The following DOCK1 variants were observed in gnomAD, a reference collection of about 807,000 sequenced individuals.
The protein encoded by DOCK1 is dedicator of cytokinesis 1, also known as dedicator of cytokinesis protein 1.
DOCK1 carries 138 observed loss-of-function variants against 262.7 expected under a neutral mutation model. That is an observed-to-expected ratio of 0.53 (90% CI 0.46 to 0.61). DOCK1 has a LOEUF of 0.61. Ranked by LOEUF, DOCK1 falls within the 20% of genes least tolerant of loss-of-function variation. DOCK1 has a pLI of 0.00. For missense variants in DOCK1, 1,908 were observed against 2,370.7 expected (o/e 0.80, Z 4.05); for synonymous variants, 866 against 867.4 (o/e 1.00, Z 0.03).
intron 36 of DOCK1, among the ~76,000 whole-genome samples, chr10:127,380,955 AT>A (rs2134100620): frequency 6.6e-6 from 1 of 152,244 alleles, no homozygotes; most frequent in African/African-American, 2.4e-5. Flanking sequence ...ATTTTTACGG[AT>A]TTTTTTGTGC....
rs5788842 is a variant in DOCK1, at chr10:127,437,478, CTTTTTT to C, written c.5061-1533_5061-1528del. Among the ~76,000 whole-genome samples, 2 of 145,914 alleles carry C rather than the reference CTTTTTT, an allele frequency of 1.4e-5. No individual in the cohort carries two copies. The highest frequency in any genetic ancestry group is 3.0e-5 in the Non-Finnish European group (2 of 65,784). ...GGAGCAAGATTGCTGCAATGACCAT[CTTTTTT>C]TTTTTTTTTTTTTTTGAGACAGGAT... On this transcript the variant is annotated intron_variant, in intron 48 of 51. Transcript: ENST00000623213. This position sits in a 1 kb window ranked among gnomAD's most constrained non-coding sequence, Gnocchi z 4.4.
chr10:127,082,971 G>A (rs2136027670), intron 23 of DOCK1, among the ~76,000 whole-genome samples: 1 of 152,286 alleles, frequency 6.6e-6, no homozygotes, highest in Non-Finnish European at 1.5e-5. Flanking sequence ...TGTCTTCCAG[G>A]ACATCTGCCT....
rs2054989690 is a variant in DOCK1 at position 127,175,359 on chromosome 10, C to T, written c.2847+47595C>T. On this transcript the variant is annotated intron_variant, in intron 27 of 51. Transcript: ENST00000623213. This position sits in a 1 kb window ranked among gnomAD's most constrained non-coding sequence, Gnocchi z 6.3. ...TTCCGTATGAGGCACGATTCGTTGGCATTCTTCACCTGCAGCAACCGCTGT... is the reference window on the plus strand; with the variant it reads ...TTCCGTATGAGGCACGATTCGTTGGTATTCTTCACCTGCAGCAACCGCTGT... 1 of 1,613,990 alleles carries T rather than the reference C, an allele frequency of 6.2e-7. No homozygotes were observed. The highest frequency in any genetic ancestry group is 1.1e-5 in the South Asian group (1 of 91,088).
intron 23 of DOCK1, among the ~76,000 whole-genome samples, chr10:127,070,285 G>A (rs930612800): frequency 3.7e-5 from 4 of 107,764 alleles, no homozygotes; most frequent in East Asian, 5.8e-4. Flanking sequence ...ATGGAGTCTC[G>A]CCCTGTCACC....
chr10:127,442,845 C>G (rs1446577654), intron 49 of DOCK1, among the ~76,000 whole-genome samples: 3 of 152,248 alleles, frequency 2.0e-5, no homozygotes, highest in Admixed American at 2.0e-4. Context: ...TGCTGGCTAT[C>G]TGCATGTCTT....
chr10:127,449,349 C>T (rs1251534889), intron 51 of DOCK1, among the ~76,000 whole-genome samples: 1 of 152,180 alleles, frequency 6.6e-6, no homozygotes, highest in African/African-American at 2.4e-5. Flanking sequence ...CCCTAGTCTC[C>T]CTACACTAGT....
chr10:127,196,553 G>A (rs1589893995), intron 27 of DOCK1, among the ~76,000 whole-genome samples: 2 of 147,024 alleles, frequency 1.4e-5, no homozygotes, highest in African/African-American at 4.9e-5. Flanking sequence ...CGCGCCTGCC[G>A]CCTGTGCGCC....
intron 23 of DOCK1, among the ~76,000 whole-genome samples, chr10:127,063,245 C>A (rs1404022167): frequency 4.6e-5 from 7 of 152,210 alleles, no homozygotes; most frequent in Non-Finnish European, 7.3e-5. Context: ...AGAAGGCATT[C>A]TTATGGCTAG....
At chr10:127,264,895 C>T (rs1173304421) in intron 29 of DOCK1, among the ~76,000 whole-genome samples, 6 of 152,154 alleles carry the variant, frequency 3.9e-5, no homozygotes, top group African/African-American at 1.4e-4. Flanking sequence ...TCTCGAACTC[C>T]TGGGCTCAAG....
chr10:126,986,880 A>C (rs2039437807), intron 4 of DOCK1, among the ~76,000 whole-genome samples: 1 of 152,334 alleles, frequency 6.6e-6, no homozygotes, highest in Non-Finnish European at 1.5e-5. Flanking sequence ...ACTGCACTCC[A>C]GCCTGTGTGA....
At chr10:127,010,398 C>T (rs2041337342) in intron 11 of DOCK1, among the ~76,000 whole-genome samples, 1 of 152,176 alleles carries the variant, frequency 6.6e-6, no homozygotes, top group Non-Finnish European at 1.5e-5. Context: ...ACCCGGGAGG[C>T]AGAGGTTGCA....
chr10:126,938,945 T>C (rs1327170921), intron 1 of DOCK1, among the ~76,000 whole-genome samples: 970 of 38,992 alleles, frequency 0.025, 23 homozygotes, highest in African/African-American at 0.092. Flanking sequence ...GGACGAACAC[T>C]GGGGGGGCGA....
chr10:127,150,989 C>T (rs182558587), intron 27 of DOCK1, among the ~76,000 whole-genome samples: 123 of 152,252 alleles, frequency 8.1e-4, no homozygotes, highest in African/African-American at 2.8e-3. Context: ...TCAATTCATG[C>T]GATTCAAATT....
Position 127,190,194 on chromosome 10 carries a change from C to G in DOCK1, c.2848-57814C>G, listed in dbSNP as rs547509749. 1.2e-4 allele frequency among the ~76,000 whole-genome samples: 18 copies of G among 152,348 alleles called. 1 individual carries two copies. Among genetic ancestry groups the G allele is most frequent in the African/African-American group, 3.6e-4 (15 of 41,584 alleles). ...CTCAACTTCTACCCAACTGAATTTT[C>G]ACCAAAGGAATCGCTGAGGTTGAGT... On this transcript the variant is annotated intron_variant, in intron 27 of 51. Coordinates refer to ENST00000623213, the MANE Select transcript of DOCK1 (RefSeq NM_001290223.2).
chr10:127,090,010 G>A (rs2047422701), intron 23 of DOCK1, among the ~76,000 whole-genome samples: 1 of 152,166 alleles, frequency 6.6e-6, no homozygotes, highest in Admixed American at 6.5e-5. Flanking sequence ...CTGAAGGATT[G>A]TTGAAAAGCA....
chr10:127,442,909 G>C (rs986423198), intron 49 of DOCK1, among the ~76,000 whole-genome samples: 4 of 152,242 alleles, frequency 2.6e-5, no homozygotes, highest in South Asian at 2.1e-4. Flanking sequence ...GCGATGTGCT[G>C]TCCAGCCCAG....
intron 27 of DOCK1, among the ~76,000 whole-genome samples, chr10:127,183,174 C>T (rs564277933): frequency 7.2e-6 from 1 of 138,582 alleles, no homozygotes; most frequent in Admixed American, 7.8e-5. Context: ...CTAAAAATGA[C>T]TTATATCAAA....
At chr10:127,124,312 T>A (rs1409125013) in intron 25 of DOCK1, among the ~76,000 whole-genome samples, 2 of 152,226 alleles carry the variant, frequency 1.3e-5, no homozygotes, top group African/African-American at 4.8e-5. Context: ...ACCGGCTAAG[T>A]CTGTTTAAGG....
chr10:127,249,471 G>A (rs902061989), intron 28 of DOCK1, among the ~76,000 whole-genome samples: 2 of 151,406 alleles, frequency 1.3e-5, no homozygotes, highest in African/African-American at 2.4e-5. Flanking sequence ...ACGCAGTCGT[G>A]TGTTGCTTAA....
Sources: allele counts gnomAD v4.1 joint callset (sites outside exome capture counted in the v4.1 genomes callset), GRCh38; gene constraint gnomAD v4.1.1; non-coding constraint Gnocchi (gnomAD v3.1); transcripts MANE v1.5; gene names NCBI Gene and HGNC (gene_info 2026-07-23, HGNC 2026-07-21).